The following NEGR1 variants were observed in gnomAD, a reference collection of about 807,000 sequenced individuals.
NEGR1 encodes IgLON family member 4.
In NEGR1, 10 loss-of-function variants were observed where a neutral mutation model predicts 40.9. That is an observed-to-expected ratio of 0.24 (90% CI 0.15 to 0.42). The LOEUF (loss-of-function observed/expected upper bound fraction) is 0.42, where lower values mean the gene tolerates loss of function less well. Among genes scored for constraint, NEGR1 ranks in the 10% least tolerant of loss-of-function variants. The pLI is 1.00. For synonymous variants in NEGR1, 185 were observed against 166.8 expected (o/e 1.11, Z -0.84); for missense variants, 352 against 438.9 (o/e 0.80, Z 1.77).
At position 71,488,900 on chromosome 1, in the gene NEGR1, A is replaced by T. The variant is rs150873300; in HGVS notation, c.941-81330T>A. Among the ~76,000 whole-genome samples, 447 of 151,926 alleles carry T rather than the reference A, an allele frequency of 2.9e-3. 1 individual carries two copies. Among genetic ancestry groups the T allele is most frequent in the Non-Finnish European group, 4.6e-3 (313 of 67,850 alleles). On this transcript the variant is annotated intron_variant, in intron 6 of 6. Transcript: ENST00000357731. ...TAATTGAAAATACTACACAGTTTGG[A>T]AACAAATCGACCTAGACTTGAAAAC... is the stretch of plus-strand genomic sequence containing the variant.
At chr1:71,973,581 ATATT>A (rs1428187044) in intron 1 of NEGR1, among the ~76,000 whole-genome samples, 1 of 152,220 alleles carries the variant, frequency 6.6e-6, no homozygotes, top group African/African-American at 2.4e-5. Context: ...TTTCATTAAA[ATATT>A]TATCTTTAAG....
chr1:71,877,587 C>T (rs1038350955), intron 2 of NEGR1, among the ~76,000 whole-genome samples: 3 of 151,954 alleles, frequency 2.0e-5, no homozygotes, highest in Non-Finnish European at 2.9e-5. Context: ...GATGGTGTCT[C>T]GAAAATACAG....
chr1:71,408,261 C>T (rs1232262492), intron 6 of NEGR1, among the ~76,000 whole-genome samples: 2 of 151,984 alleles, frequency 1.3e-5, no homozygotes, highest in Admixed American at 1.3e-4. Flanking sequence ...TAGATTTAGT[C>T]TTGCTGGACC....
At chr1:71,747,960 G>T (rs547911676) in intron 3 of NEGR1, among the ~76,000 whole-genome samples, 1 of 151,956 alleles carries the variant, frequency 6.6e-6, no homozygotes, top group East Asian at 1.9e-4. Flanking sequence ...AAATCCAATT[G>T]TATTGGACAG....
intron 1 of NEGR1, among the ~76,000 whole-genome samples, chr1:71,995,867 T>C (rs1389913908): frequency 6.6e-6 from 1 of 152,210 alleles, no homozygotes; most frequent in East Asian, 1.9e-4. Context: ...TTGTTTTTAA[T>C]GATGTTCATG....
At chr1:71,659,923 C>T (rs1652001629) in intron 4 of NEGR1, among the ~76,000 whole-genome samples, 1 of 152,096 alleles carries the variant, frequency 6.6e-6, no homozygotes, top group Non-Finnish European at 1.5e-5. Context: ...ATGGTGATTC[C>T]TTAAAGAGCT....
At chr1:71,815,682 T>C (rs937502870) in intron 2 of NEGR1, among the ~76,000 whole-genome samples, 6 of 151,998 alleles carry the variant, frequency 3.9e-5, no homozygotes, top group Non-Finnish European at 8.8e-5. Context: ...AAGTTCTTTT[T>C]ACTATATAAC....
At chr1:71,715,946 A>G (rs1029889225) in intron 3 of NEGR1, among the ~76,000 whole-genome samples, 3 of 149,434 alleles carry the variant, frequency 2.0e-5, no homozygotes, top group Non-Finnish European at 3.0e-5. Flanking sequence ...GCAGCACCCT[A>G]CTCTCTGTGG....
At chr1:71,676,023 C>T (rs1652623217) in intron 4 of NEGR1, among the ~76,000 whole-genome samples, 1 of 151,998 alleles carries the variant, frequency 6.6e-6, no homozygotes, top group Admixed American at 6.6e-5. Flanking sequence ...ATGTTACCTA[C>T]CAAATTTTAT....
At chr1:71,626,440 C>T (rs936466906) in intron 4 of NEGR1, among the ~76,000 whole-genome samples, 26 of 150,272 alleles carry the variant, frequency 1.7e-4, no homozygotes, top group African/African-American at 6.1e-4. Flanking sequence ...CAATTCCCAC[C>T]TATGAGTGAG....
At chr1:72,065,879 T>C (rs2100501703) in intron 1 of NEGR1, among the ~76,000 whole-genome samples, 1 of 152,078 alleles carries the variant, frequency 6.6e-6, no homozygotes, top group East Asian at 1.9e-4. Flanking sequence ...CTACCAGAGG[T>C]TATTAAATGA....
intron 1 of NEGR1, among the ~76,000 whole-genome samples, chr1:71,985,640 A>T (rs1390625912): frequency 6.6e-6 from 1 of 152,210 alleles, no homozygotes; most frequent in African/African-American, 2.4e-5. Context: ...TTGAAAATGT[A>T]TGGACAAATC....
At chr1:72,110,625 T>C (rs575975389) in intron 1 of NEGR1, among the ~76,000 whole-genome samples, 16 of 151,850 alleles carry the variant, frequency 1.1e-4, no homozygotes, top group Admixed American at 4.6e-4. Flanking sequence ...AAAAGAGCTA[T>C]GTAATTAACC....
chr1:71,714,587 C>G (rs1423051981), intron 3 of NEGR1, among the ~76,000 whole-genome samples: 1 of 152,178 alleles, frequency 6.6e-6, no homozygotes, highest in East Asian at 1.9e-4. Flanking sequence ...TACACCATGG[C>G]AAATGGGAGA....
chr1:71,674,501 A>T (rs985149788), intron 4 of NEGR1, among the ~76,000 whole-genome samples: 3 of 152,024 alleles, frequency 2.0e-5, no homozygotes, highest in African/African-American at 4.8e-5. Flanking sequence ...TTTGTATTAC[A>T]TTAGCTATAT....
At chr1:71,879,141 A>G (rs893511569) in intron 2 of NEGR1, among the ~76,000 whole-genome samples, 1 of 152,014 alleles carries the variant, frequency 6.6e-6, no homozygotes, top group South Asian at 2.1e-4. Context: ...CTCGAAAAAA[A>G]AAAAAAATAG....
At chr1:71,497,758 A>G (rs1391494290) in intron 6 of NEGR1, among the ~76,000 whole-genome samples, 1 of 151,870 alleles carries the variant, frequency 6.6e-6, no homozygotes, top group Non-Finnish European at 1.5e-5. Flanking sequence ...ATAGGAAAAG[A>G]TGATGAGATA....
chr1:71,880,388 C>A (rs897143026), intron 2 of NEGR1, among the ~76,000 whole-genome samples: 18 of 152,048 alleles, frequency 1.2e-4, no homozygotes, highest in African/African-American at 4.3e-4. Context: ...TTTCGAGAGA[C>A]AAAATTTTGA....
chr1:71,927,766 C>A (rs1463521445), intron 2 of NEGR1, among the ~76,000 whole-genome samples: 2 of 137,722 alleles, frequency 1.5e-5, no homozygotes, highest in African/African-American at 5.5e-5. Context: ...GGTAGATCGC[C>A]TGAGCCCAGG....
Sources: gnomAD v4.1 joint callset for allele counts (sites outside exome capture counted in the v4.1 genomes callset) on GRCh38, gnomAD v4.1.1 for gene constraint, MANE v1.5 for transcripts, NCBI Gene and HGNC (gene_info 2026-07-23, HGNC 2026-07-21) for gene names.